RBM25: variants seen among roughly 807,000 people sequenced by gnomAD.
RBM25 encodes the protein RNA-binding protein 25.
A neutral mutation model predicts 120.7 loss-of-function variants in RBM25; 19 were observed. The ratio of observed to expected loss-of-function variants is 0.16; its 90% CI spans 0.11 to 0.23. RBM25 has a LOEUF of 0.23. Ranked by LOEUF, RBM25 falls within the 10% of genes least tolerant of loss-of-function variation. RBM25 has a pLI of 1.00. For missense variants in RBM25, 605 were observed against 1,041.5 expected (o/e 0.58, Z 5.77); for synonymous variants, 390 against 326.7 (o/e 1.19, Z -2.09).
intron 9 of RBM25, 41 bp downstream of exon 9, chr14:73,099,791 T>C (rs1174768967): frequency 1.9e-6 from 3 of 1,551,838 alleles, no homozygotes; most frequent in South Asian, 1.3e-5. Context: ...ATCTAGACTT[T>C]TTACAGAATC....
intron 12 of RBM25, among the ~76,000 whole-genome samples, chr14:73,107,143 A>G (rs1297271656): frequency 6.6e-6 from 1 of 151,974 alleles, no homozygotes; most frequent in African/African-American, 2.4e-5. Flanking sequence ...GCCCAGCCAT[A>G]TTTTTTCGTT....
intron 6 of RBM25, among the ~76,000 whole-genome samples, chr14:73,089,066 C>T (rs1377978684): frequency 6.6e-6 from 1 of 152,104 alleles, no homozygotes; most frequent in Non-Finnish European, 1.5e-5. Context: ...GCTTGAACTG[C>T]AGAGGCGGAG....
chr14:73,101,466 A>G (rs1896053955), intron 9 of RBM25: 1 of 72,176 alleles, frequency 1.4e-5, no homozygotes, highest in Non-Finnish European at 2.3e-5. Context: ...TTCTTTAAAA[A>G]TATACATGTA....
At chr14:73,074,762 G>T (rs1895374952) in intron 2 of RBM25, among the ~76,000 whole-genome samples, 1 of 151,474 alleles carries the variant, frequency 6.6e-6, no homozygotes, top group Non-Finnish European at 1.5e-5. Context: ...CTGGAGTGCA[G>T]TGGTGCCATT....
chr14:73,075,232 G>A (rs768854688), intron 2 of RBM25, among the ~76,000 whole-genome samples: 67 of 151,950 alleles, frequency 4.4e-4, no homozygotes, highest in Admixed American at 9.8e-4. Flanking sequence ...TGTGATCTCG[G>A]CTCACTGCAA....
intron 1 of RBM25, chr14:73,068,281 T>C (rs1310981855): frequency 1.2e-5 from 10 of 848,164 alleles, no homozygotes; most frequent in Non-Finnish European, 2.0e-5. Context: ...TAGATTTGGT[T>C]TGTGGGTCAC....
rs907066199 is a variant in RBM25 at position 73,122,174 on chromosome 14, C to G, written c.*2369C>G. On this transcript the variant is annotated 3_prime_UTR_variant, in exon 19 of 19. Coordinates refer to ENST00000261973, the MANE Select transcript of RBM25 (RefSeq NM_021239.3). ...TTGTGGGTTAATTTTACCATAATCT[C>G]ATAAATTAATTTTAGTTTGAAAACC... is the stretch of plus-strand genomic sequence containing the variant. 1 of 151,326 alleles carries G rather than the reference C, an allele frequency of 6.6e-6. No homozygotes were observed. Among genetic ancestry groups the G allele is most frequent in the Non-Finnish European group, 1.5e-5 (1 of 67,570 alleles). The allele number at this position is 151,326 out of a possible 1,614,324, so 9.4% of individuals were successfully genotyped here.
At chr14:73,102,284 A>G (rs1304910166) in intron 9 of RBM25, 1 of 152,144 alleles carries the variant, frequency 6.6e-6, no homozygotes, top group African/African-American at 2.4e-5. Context: ...GTACACTGGT[A>G]ATCTTGTCAG....
chr14:73,066,852 A>G (rs1401094404), intron 1 of RBM25, among the ~76,000 whole-genome samples: 2 of 152,280 alleles, frequency 1.3e-5, no homozygotes, highest in East Asian at 3.9e-4. Flanking sequence ...TCTAGTAAAC[A>G]GGTAAACGCA....
chr14:73,074,342 A>C (rs11623303), intron 2 of RBM25, among the ~76,000 whole-genome samples: 151,669 of 152,266 alleles, frequency 1, 75,541 homozygotes, highest in Middle Eastern at 1. Context: ...GCCTCAGCCT[A>C]CTGAGTAGCT....
At chr14:73,119,208 A>G (rs1414381457) in intron 18 of RBM25, among the ~76,000 whole-genome samples, 4 of 152,264 alleles carry the variant, frequency 2.6e-5, no homozygotes, top group Non-Finnish European at 4.4e-5. Context: ...CTAAATATAC[A>G]ACTATGTAAT....
intron 6 of RBM25, among the ~76,000 whole-genome samples, chr14:73,093,269 C>T (rs1270483036): frequency 3.9e-5 from 6 of 152,180 alleles, no homozygotes; most frequent in Non-Finnish European, 4.4e-5. Flanking sequence ...AAAGAAAGAA[C>T]TCTGCATTTC....
intron 1 of RBM25, among the ~76,000 whole-genome samples, chr14:73,070,115 CCT>C (rs1174033850): frequency 1.3e-5 from 2 of 151,446 alleles, no homozygotes; most frequent in Non-Finnish European, 2.9e-5. Flanking sequence ...AGAGTCTTCC[CCT>C]GTCACCCACG....
intron 1 of RBM25, among the ~76,000 whole-genome samples, chr14:73,070,158 C>G (rs187318680): frequency 2.3e-4 from 35 of 151,942 alleles, no homozygotes; most frequent in Middle Eastern, 3.4e-3. Context: ...AGTGATTCTC[C>G]TGCCTCAGCC....
chr14:73,113,127 C>A (rs932612217), intron 17 of RBM25, among the ~76,000 whole-genome samples: 16 of 152,098 alleles, frequency 1.1e-4, no homozygotes, highest in Non-Finnish European at 2.2e-4. Context: ...TGCTCTCCCT[C>A]CCCTAGCTCC....
chr14:73,112,057 C>T (rs1299138836), intron 16 of RBM25, 95 bp from the exon 17 acceptor site: 5 of 1,210,916 alleles, frequency 4.1e-6, no homozygotes, highest in Non-Finnish European at 5.9e-6. Flanking sequence ...TGTGAAATAA[C>T]ATTATATTTT....
intron 15 of RBM25, 96 bp downstream of exon 15, chr14:73,111,251 GT>G: frequency 9.1e-7 from 1 of 1,103,808 alleles, no homozygotes; most frequent in Non-Finnish European, 1.3e-6. Context: ...TTTGTGCTTG[GT>G]TAGGTAGATA....
chr14:73,103,948 T>TCTCTCTCTCTCTCACA (rs1594928335), intron 10 of RBM25, among the ~76,000 whole-genome samples: 4 of 91,340 alleles, frequency 4.4e-5, no homozygotes, highest in Non-Finnish European at 7.3e-5. Context: ...TCTCTCTCTC[T>TCTCTCTCTCTCTCACA]CACACACACA....
At chr14:73,119,227 A>G (rs1251411193) in intron 18 of RBM25, among the ~76,000 whole-genome samples, 2 of 152,232 alleles carry the variant, frequency 1.3e-5, no homozygotes, top group African/African-American at 4.8e-5. Context: ...ATAACAATAC[A>G]GAATCTCATG....
Sources: allele counts gnomAD v4.1 joint callset (sites outside exome capture counted in the v4.1 genomes callset), GRCh38; gene constraint gnomAD v4.1.1; transcripts MANE v1.5; gene names NCBI Gene and HGNC (gene_info 2026-07-23, HGNC 2026-07-21).